The following STK17B variants were observed in gnomAD, a reference collection of about 807,000 sequenced individuals.
STK17B encodes serine/threonine kinase 17b.
STK17B carries 21 observed loss-of-function variants against 42.0 expected under a neutral mutation model. The ratio of observed to expected loss-of-function variants is 0.50; its 90% CI spans 0.35 to 0.72. STK17B has a LOEUF of 0.72. STK17B is among the 30% of genes least tolerant of loss of function. The probability of loss-of-function intolerance (pLI) is 0.00; values close to 1 mark genes in which losing one functional copy is unlikely to be tolerated. For synonymous variants in STK17B, 143 were observed against 148.4 expected, an observed-to-expected ratio of 0.96 and a Z score of 0.26; for missense variants, 349 against 446.0, an observed-to-expected ratio of 0.78 and a Z score of 1.96.
chr2:196,143,264 C>T (rs758535615), intron 5 of STK17B, among the ~76,000 whole-genome samples: 20 of 152,258 alleles, frequency 1.3e-4, no homozygotes, highest in South Asian at 2.1e-4. Context: ...TTCTCTTTTT[C>T]CCTAACTTCC....
At chr2:196,146,129 A>C (rs1699570847) in intron 3 of STK17B, 74 bp from the exon 4 acceptor site, 1 of 1,396,210 alleles carries the variant, frequency 7.2e-7, no homozygotes, top group East Asian at 2.6e-5. Context: ...TGTACCTGTT[A>C]AGTAAAAGAC....
chr2:196,170,170 A>G (rs780506146), intron 1 of STK17B, among the ~76,000 whole-genome samples: 14 of 150,172 alleles, frequency 9.3e-5, no homozygotes, highest in Non-Finnish European at 1.9e-4. Context: ...AGTGTTATCA[A>G]TGAGAAAGTA....
At chr2:196,150,179 T>TAAAAAA (rs143244008) in intron 3 of STK17B, among the ~76,000 whole-genome samples, 1 of 113,516 alleles carries the variant, frequency 8.8e-6, no homozygotes, top group African/African-American at 3.5e-5. Flanking sequence ...GAGCAGTGAC[T>TAAAAAA]AAAAAAAAAA....
chr2:196,148,229 G>A (rs1474102898), intron 3 of STK17B, among the ~76,000 whole-genome samples: 2 of 152,122 alleles, frequency 1.3e-5, no homozygotes, highest in Non-Finnish European at 2.9e-5. Flanking sequence ...CTGCCTAGCG[G>A]CCCTTGGTCT....
chr2:196,144,840 G>T (rs939186260), intron 4 of STK17B, among the ~76,000 whole-genome samples: 1 of 152,062 alleles, frequency 6.6e-6, no homozygotes, highest in Admixed American at 6.5e-5. Context: ...TATAACAGTC[G>T]CTTAACTTTG....
At chr2:196,164,278 C>G (rs541004583) in intron 1 of STK17B, among the ~76,000 whole-genome samples, 2 of 152,244 alleles carry the variant, frequency 1.3e-5, no homozygotes, top group African/African-American at 4.8e-5. Flanking sequence ...TCTCAAAGGT[C>G]TTAAGAGTCC....
intron 3 of STK17B, among the ~76,000 whole-genome samples, chr2:196,152,459 G>A (rs1699679029): frequency 6.6e-6 from 1 of 152,162 alleles, no homozygotes; most frequent in Non-Finnish European, 1.5e-5. Flanking sequence ...AAGGAAATTT[G>A]ACAACATCTA....
intron 3 of STK17B, among the ~76,000 whole-genome samples, chr2:196,148,707 G>T (rs1699617566): frequency 6.6e-6 from 1 of 152,042 alleles, no homozygotes; most frequent in Non-Finnish European, 1.5e-5. Flanking sequence ...AATTGTTTAG[G>T]TAAGACATTT....
At chr2:196,148,058 T>G (rs1699608359) in intron 3 of STK17B, among the ~76,000 whole-genome samples, 1 of 152,130 alleles carries the variant, frequency 6.6e-6, no homozygotes, top group Admixed American at 6.6e-5. Context: ...TACCTCAACA[T>G]ATCATGATAA....
chr2:196,147,631 T>G (rs1699597177), intron 3 of STK17B, among the ~76,000 whole-genome samples: 1 of 152,164 alleles, frequency 6.6e-6, no homozygotes, highest in Non-Finnish European at 1.5e-5. Context: ...AAAAACTCTG[T>G]AGGACAGCTT....
chr2:196,154,042 T>C (rs1016739695), intron 3 of STK17B: 3 of 151,930 alleles, frequency 2.0e-5, no homozygotes, highest in African/African-American at 4.8e-5. Flanking sequence ...TCAAGACATA[T>C]TGGCCAACAT....
chr2:196,141,251 C>T lies in STK17B; in HGVS notation c.654G>A (p.Met218Ile). The change falls in exon 6 of 8, where the codon ATG becomes ATA. Residue 218 changes from methionine to isoleucine, a missense_variant and splice_region_variant. Met to Ile is a conservative substitution (Grantham distance 10). This residue lies in a region of STK17B where 256 missense variants were observed against 347.7 expected (regional missense o/e 0.74). Coordinates refer to ENST00000263955, the MANE Select transcript of STK17B (RefSeq NM_004226.4). Reference protein sequence around the residue: ...NYDPITTATDMWNIGIIAYML... With the variant: ...NYDPITTATDIWNIGIIAYML... ...TAAGGTAACTAACAACATCTTACCA[C>T]ATATCTGTTGCTGTGGTAATGGGAT... is the stretch of plus-strand genomic sequence containing the variant. The T allele has an allele frequency of 6.2e-7, 1 of 1,605,814 alleles. No individual in the cohort carries two copies. Among genetic ancestry groups the T allele is most frequent in the Non-Finnish European group, 8.5e-7 (1 of 1,175,328 alleles).
chr2:196,157,853 GAGTCAAGGATTATTTTGGGA>G (rs1272783377), intron 2 of STK17B, among the ~76,000 whole-genome samples: 2 of 152,166 alleles, frequency 1.3e-5, no homozygotes, highest in Non-Finnish European at 2.9e-5. Context: ...AAGCTATTCT[GAGTCAAGGATTATTTTGGGA>G]AATTAATAAA....
At chr2:196,155,132 T>C (rs188453997) in intron 3 of STK17B, among the ~76,000 whole-genome samples, 5 of 152,354 alleles carry the variant, frequency 3.3e-5, no homozygotes, top group South Asian at 4.1e-4. Flanking sequence ...ATTCCACTAC[T>C]GTTTTGACAA....
At chr2:196,175,629 A>G (rs1354316166), upstream of STK17B, among the ~76,000 whole-genome samples, 1 of 152,230 alleles carries the variant, frequency 6.6e-6, no homozygotes, top group Admixed American at 6.5e-5. Context: ...CTCTGTCTCA[A>G]AAATAAATAA....
At chr2:196,164,073 T>TAAAG (rs900600959) in intron 1 of STK17B, among the ~76,000 whole-genome samples, 1 of 150,420 alleles carries the variant, frequency 6.6e-6, no homozygotes, top group African/African-American at 2.4e-5. Context: ...AATAAATAAA[T>TAAAG]AAAGTTATAG....
chr2:196,172,914 G>A (rs961541580), upstream of STK17B, among the ~76,000 whole-genome samples: 3 of 152,080 alleles, frequency 2.0e-5, no homozygotes, highest in Admixed American at 1.3e-4. Flanking sequence ...ATGAGCATAG[G>A]TGTTGCATTC....
At chr2:196,164,479 A>G (rs1699853002) in intron 1 of STK17B, among the ~76,000 whole-genome samples, 1 of 152,232 alleles carries the variant, frequency 6.6e-6, no homozygotes, top group African/African-American at 2.4e-5. Flanking sequence ...TTGCATTCAT[A>G]AAACAATAAC....
chr2:196,137,607 G>C lies in STK17B; in HGVS notation c.959C>G (p.Ser320Cys). ...GGATTTAGAAGTCTTGTCTTCAGAGGACCTTACAGAATGATCCTGAGTTTG... is the reference window on the plus strand; with the variant it reads ...GGATTTAGAAGTCTTGTCTTCAGAGCACCTTACAGAATGATCCTGAGTTTG... ...SSQTQDHSVR[S>C]SEDKTSKSSC... Residue 320 changes from serine to cysteine, a missense_variant, in exon 8 of 8, where the codon TCC becomes TGC. By Grantham distance (112) the Ser-to-Cys change is moderately radical. This residue lies in a region of STK17B where 87 missense variants were observed against 78.8 expected (regional missense o/e 1.10). Transcript: ENST00000263955. 1 of 1,614,088 alleles carries C rather than the reference G, an allele frequency of 6.2e-7. No homozygotes were observed. The highest frequency in any genetic ancestry group is 8.5e-7 in the Non-Finnish European group (1 of 1,179,990).
Sources: allele counts gnomAD v4.1 joint callset (sites outside exome capture counted in the v4.1 genomes callset), GRCh38; gene constraint gnomAD v4.1.1; regional missense constraint gnomAD v4.1.1; transcripts MANE v1.5; gene names NCBI Gene and HGNC (gene_info 2026-07-23, HGNC 2026-07-21).